Variants in TULP4 observed in about 807,000 individuals in gnomAD.
TULP4 encodes the protein tubby-related protein 4.
In TULP4, 16 loss-of-function variants were observed where a neutral mutation model predicts 129.0. The ratio of observed to expected loss-of-function variants is 0.12; its 90% CI spans 0.08 to 0.19. The LOEUF is 0.19. Among genes scored for constraint, TULP4 ranks in the 10% least tolerant of loss-of-function variants. TULP4 has a pLI of 1.00. For synonymous variants in TULP4, 998 were observed against 854.0 expected (o/e 1.17, Z -2.94); for missense variants, 1,842 against 2,059.1 (o/e 0.89, Z 2.04).
intron 2 of TULP4, among the ~76,000 whole-genome samples, chr6:158,414,574 G>C (rs545159128): frequency 6.6e-6 from 1 of 152,344 alleles, no homozygotes; most frequent in East Asian, 1.9e-4. Flanking sequence ...CATCACCAAA[G>C]ATGAGTTTCA....
intron 1 of TULP4, among the ~76,000 whole-genome samples, chr6:158,298,316 G>C (rs1460179849): frequency 1.3e-5 from 2 of 152,164 alleles, no homozygotes; most frequent in Non-Finnish European, 2.9e-5. Context: ...AAAGATAACA[G>C]GATTAAGAGA....
chr6:158,416,575 C>G (rs1393291674), intron 2 of TULP4, among the ~76,000 whole-genome samples: 1 of 152,122 alleles, frequency 6.6e-6, no homozygotes, highest in Non-Finnish European at 1.5e-5. Context: ...AAGTATCAAA[C>G]TTCTTGAAAA....
intron 2 of TULP4, among the ~76,000 whole-genome samples, chr6:158,415,998 G>C (rs1389437516): frequency 2.0e-5 from 3 of 152,228 alleles, no homozygotes; most frequent in Admixed American, 2.0e-4. Flanking sequence ...TGTGGCCGAA[G>C]GTCCAAGAGC....
intron 1 of TULP4, among the ~76,000 whole-genome samples, chr6:158,328,018 A>G (rs887682969): frequency 2.7e-5 from 4 of 150,828 alleles, no homozygotes; most frequent in African/African-American, 9.8e-5. Flanking sequence ...AGTTTCTTTC[A>G]GTAAGAAACT....
chr6:158,449,344 T>C (rs1164954159), intron 4 of TULP4, among the ~76,000 whole-genome samples, 168 bp downstream of exon 4: 1 of 152,128 alleles, frequency 6.6e-6, no homozygotes, highest in Non-Finnish European at 1.5e-5. Context: ...GCTGGCCTCA[T>C]CTAGATGTGA....
Position 158,240,657 on chromosome 6 carries a change from C to T in TULP4, n.68+8354C>T, listed in dbSNP as rs1278082214. ...GCTGGCCGGGTGGAGGCTGACCCCC[C>T]CACCTCCCTCCCAGACGGGGCAGCT... On this transcript the variant is annotated intron_variant and non_coding_transcript_variant, in intron 1 of 1. Transcript: ENST00000620026. 1.8e-5 allele frequency among the ~76,000 whole-genome samples: 2 copies of T among 113,704 alleles called. 1 individual carries two copies. The allele number at this position is 113,704 out of a possible 152,430, so 74.6% of individuals were successfully genotyped here. A position where few individuals can be genotyped will look rare whatever the true frequency, so the allele number is the denominator to read the frequency against.
upstream of TULP4, among the ~76,000 whole-genome samples, chr6:158,277,922 T>C (rs1169528800): frequency 6.6e-6 from 1 of 152,194 alleles, no homozygotes; most frequent in Non-Finnish European, 1.5e-5. Flanking sequence ...GGCAACTCTG[T>C]TTCCTTCACT....
intron 8 of TULP4, among the ~76,000 whole-genome samples, chr6:158,487,972 ATAG>A (rs1201534188): frequency 2.6e-5 from 4 of 152,212 alleles, no homozygotes; most frequent in African/African-American, 9.6e-5. Flanking sequence ...AGACAATAAA[ATAG>A]TAGTTATGGC....
At chr6:158,385,451 C>A (rs1160424025) in intron 1 of TULP4, among the ~76,000 whole-genome samples, 5 of 152,116 alleles carry the variant, frequency 3.3e-5, no homozygotes, top group African/African-American at 1.2e-4. Flanking sequence ...AGTCAGCAGA[C>A]TCTGGCTGCA....
intron 11 of TULP4, among the ~76,000 whole-genome samples, chr6:158,496,074 G>T (rs570617529): frequency 6.6e-6 from 1 of 152,168 alleles, no homozygotes; most frequent in Non-Finnish European, 1.5e-5. Context: ...CAGTAATGAC[G>T]TGAAAATGGC....
rs71030149 is a variant in TULP4, at chr6:158,236,795, C to CTTTTTTTTTTTTTTTTTTTT, written n.68+4509_68+4528dup. Among the ~76,000 whole-genome samples, 45 of 63,280 alleles carry CTTTTTTTTTTTTTTTTTTTT rather than the reference C, an allele frequency of 7.1e-4. 8 individuals carry two copies. Among genetic ancestry groups the CTTTTTTTTTTTTTTTTTTTT allele is most frequent in the Non-Finnish European group, 9.9e-4 (32 of 32,224 alleles). 41.5% of individuals were successfully genotyped at this position (63,280 alleles called of 152,430 possible). ...AGATGGGTAAATGCCCAATTCTTTT[C>CTTTTTTTTTTTTTTTTTTTT]TTTTTTTTTTTTTTTTTTTTTTTTT... is the stretch of plus-strand genomic sequence containing the variant. On this transcript the variant is annotated intron_variant and non_coding_transcript_variant, in intron 1 of 1. Coordinates refer to the TULP4 transcript ENST00000620026.
At position 158,494,775 on chromosome 6, in the gene TULP4, C is replaced by T. The variant is rs1780292879; in HGVS notation, c.1799C>T (p.Thr600Met). The T allele has an allele frequency of 2.5e-6, 4 of 1,614,008 alleles. No homozygotes were observed. In the East Asian group the frequency reaches 8.9e-5, roughly 36 times the overall value. ...ITQHNYLAQV[T>M]SNIWGTKFKI... Reference sequence around the variant, plus strand: ...CAGCACAACTATCTTGCTCAGGTCACGTCTAATATCTGGGGAACCAAATTT... The same window carrying T: ...CAGCACAACTATCTTGCTCAGGTCATGTCTAATATCTGGGGAACCAAATTT... The change falls in exon 11 of 14, where the codon ACG becomes ATG. Residue 600 changes from threonine (T) to methionine (M), a missense_variant. Physicochemically the swap from Thr to Met is moderately conservative, Grantham distance 81. Around this residue, in one of 5 missense-constraint regions of TULP4, gnomAD observed 99 missense variants for 165.1 expected, o/e 0.60. Coordinates refer to ENST00000367097, the MANE Select transcript of TULP4 (RefSeq NM_020245.5).
chr6:158,251,464 AT>A (rs11384256), intron 1 of TULP4, among the ~76,000 whole-genome samples: 1 of 151,910 alleles, frequency 6.6e-6, no homozygotes, highest in African/African-American at 2.4e-5. Context: ...AATATAAACT[AT>A]TTTTTATATA....
chr6:158,349,633 C>T lies in TULP4; in HGVS notation c.252+35365C>T, dbSNP rs557496489. ...GCAGAGGCGCCCCTCACTTCCCAGA[C>T]GGGGTAGCGGCTAGGCAGAGGCGCT... On this transcript the variant is annotated intron_variant, in intron 1 of 13. Transcript: ENST00000367097. Among the ~76,000 whole-genome samples, 46 of 130,256 alleles carry T rather than the reference C, an allele frequency of 3.5e-4. 2 individuals carry two copies. The South Asian group carries it at 0.012, about 34-fold the overall frequency. The allele number at this position is 130,256 out of a possible 152,430, so 85.5% of individuals were successfully genotyped here.
chr6:158,309,767 C>T (rs1387260484), upstream of TULP4, among the ~76,000 whole-genome samples: 3 of 152,064 alleles, frequency 2.0e-5, no homozygotes, highest in Non-Finnish European at 1.5e-5. Flanking sequence ...GGCGCGCCTG[C>T]AATCGCAGGC....
At chr6:158,470,550 C>G (rs2128246292) in intron 6 of TULP4, among the ~76,000 whole-genome samples, 1 of 152,334 alleles carries the variant, frequency 6.6e-6, no homozygotes, top group South Asian at 2.1e-4. Flanking sequence ...AAGTTGCAAG[C>G]CCTCTGTTTA....
At chr6:158,432,009 A>G (rs568364192) in intron 3 of TULP4, among the ~76,000 whole-genome samples, 149 of 151,314 alleles carry the variant, frequency 9.8e-4, no homozygotes, top group African/African-American at 3.5e-3. Context: ...CTGTTGTCTC[A>G]GCTAGTCAGG....
intron 1 of TULP4, among the ~76,000 whole-genome samples, chr6:158,240,963 G>A (rs1450899408): frequency 2.1e-5 from 3 of 142,236 alleles, no homozygotes; most frequent in Non-Finnish European, 4.7e-5. Context: ...GGCAGCTGCC[G>A]GGCGGAGGGG....
intron 1 of TULP4, among the ~76,000 whole-genome samples, chr6:158,350,745 G>T (rs1419903575): frequency 1.3e-5 from 2 of 150,232 alleles, no homozygotes; most frequent in East Asian, 3.9e-4. Flanking sequence ...GGGGAGAGGG[G>T]AGATGGGAGA....
Sources: gnomAD v4.1 joint callset for allele counts (sites outside exome capture counted in the v4.1 genomes callset) on GRCh38, gnomAD v4.1.1 for gene constraint, gnomAD v4.1.1 regional missense constraint, MANE v1.5 for transcripts, NCBI Gene and HGNC (gene_info 2026-07-23, HGNC 2026-07-21) for gene names.